The following MRPS9 variants were observed in gnomAD, a reference collection of about 807,000 sequenced individuals.
The protein encoded by MRPS9 is mitochondrial ribosomal protein S9, also known as small ribosomal subunit protein uS9m.
A neutral mutation model predicts 59.9 loss-of-function variants in MRPS9; 45 were observed. That is an observed-to-expected ratio of 0.75 (90% CI 0.59 to 0.96). MRPS9 has a LOEUF of 0.96. Among genes scored for constraint, MRPS9 ranks in the 40% least tolerant of loss-of-function variants. MRPS9 has a pLI of 0.00. For missense variants in MRPS9, 473 were observed against 481.1 expected (o/e 0.98, Z 0.16); for synonymous variants, 171 against 166.8 (o/e 1.03, Z -0.19).
chr2:105,076,275 A>G lies in MRPS9; in HGVS notation c.410-3708A>G, dbSNP rs562593231. ...GAAATGCTGATCCTGCAGAGATCATATGAGCATCCTGTCAGTTGATGACTC... is the reference window on the plus strand; with the variant it reads ...GAAATGCTGATCCTGCAGAGATCATGTGAGCATCCTGTCAGTTGATGACTC... On this transcript the variant is annotated intron_variant, in intron 4 of 10. Coordinates refer to ENST00000258455, the MANE Select transcript of MRPS9 (RefSeq NM_182640.3). Among the ~76,000 whole-genome samples the G allele has an allele frequency of 1.8e-3, 280 of 152,362 alleles. 1 individual carries two copies. The highest frequency in any genetic ancestry group is 6.2e-3 in the African/African-American group (257 of 41,588).
At chr2:105,096,364 A>G (rs1680659259) in intron 9 of MRPS9, among the ~76,000 whole-genome samples, 1 of 152,224 alleles carries the variant, frequency 6.6e-6, no homozygotes, top group Admixed American at 6.5e-5. Flanking sequence ...TTAAGGCAAA[A>G]TAGCAAAATC....
At chr2:105,072,118 G>A (rs966850218) in intron 4 of MRPS9, among the ~76,000 whole-genome samples, 20 of 152,150 alleles carry the variant, frequency 1.3e-4, no homozygotes, top group Non-Finnish European at 7.4e-5. Context: ...GTAGTTCTCT[G>A]TTAACTTAAA....
intron 5 of MRPS9, 132 bp downstream of exon 5, chr2:105,080,194 A>G (rs943371534): frequency 7.9e-6 from 4 of 504,370 alleles, no homozygotes; most frequent in Non-Finnish European, 1.3e-5. Flanking sequence ...TAGAGGTAGG[A>G]CAGTGTGTTG....
At chr2:105,067,688 A>G (rs1680027753) in intron 2 of MRPS9, among the ~76,000 whole-genome samples, 1 of 151,400 alleles carries the variant, frequency 6.6e-6, no homozygotes, top group Admixed American at 6.6e-5. Context: ...TTACTTTTAT[A>G]ACATATTGTT....
intron 2 of MRPS9, among the ~76,000 whole-genome samples, chr2:105,069,363 C>T (rs62151951): frequency 0.02 from 3,018 of 151,990 alleles, 54 homozygotes; most frequent in Middle Eastern, 0.058. Flanking sequence ...TACAGGCGCC[C>T]GCCACCATGC....
intron 5 of MRPS9, among the ~76,000 whole-genome samples, chr2:105,085,752 A>G (rs956301424): frequency 1.2e-4 from 18 of 152,182 alleles, no homozygotes; most frequent in African/African-American, 4.3e-4. Flanking sequence ...AGCATTTCAC[A>G]TCTGGGTTAT....
chr2:105,097,236 G>A lies in MRPS9; in HGVS notation c.1011G>A (p.Arg337=), dbSNP rs202074511. The A allele has an allele frequency of 1.9e-6, 3 of 1,613,278 alleles. No homozygotes were observed. The highest frequency in any genetic ancestry group is 2.5e-6 in the Non-Finnish European group (3 of 1,179,674). ...DVTCTVSGGG[R]SAQAGAIRLA... is the part of the protein sequence containing the mutation. ...CCTGCACAGTCTCAGGGGGCGGGAG[G>A]TCAGCGCAGGCTGGAGCAATACGAC... The change falls in exon 10 of 11, where the codon AGG becomes AGA. Residue 337 remains arginine (R), a synonymous_variant. Transcript: ENST00000258455.
chr2:105,081,783 A>G (rs1217916662), intron 5 of MRPS9, among the ~76,000 whole-genome samples: 2 of 152,202 alleles, frequency 1.3e-5, no homozygotes, highest in Non-Finnish European at 2.9e-5. Context: ...TTACGTATCT[A>G]TAGAAGAGTC....
intron 2 of MRPS9, among the ~76,000 whole-genome samples, chr2:105,058,126 G>T (rs1309950447): frequency 6.6e-6 from 1 of 152,064 alleles, no homozygotes; most frequent in African/African-American, 2.4e-5. Flanking sequence ...TTCATAATTT[G>T]TGCTCACTTC....
At chr2:105,050,153 T>TC (rs1679684256) in intron 2 of MRPS9, among the ~76,000 whole-genome samples, 1 of 152,096 alleles carries the variant, frequency 6.6e-6, no homozygotes, top group South Asian at 2.1e-4. Context: ...TCTTTTCTTT[T>TC]TTTTGAGACA....
chr2:105,057,355 G>A (rs1679812485), intron 2 of MRPS9, among the ~76,000 whole-genome samples: 1 of 152,180 alleles, frequency 6.6e-6, no homozygotes, highest in Admixed American at 6.5e-5. Flanking sequence ...GTCTTTCACA[G>A]GTTACTGCCA....
intron 2 of MRPS9, among the ~76,000 whole-genome samples, chr2:105,066,708 A>G (rs916260592): frequency 6.6e-6 from 1 of 151,928 alleles, no homozygotes; most frequent in African/African-American, 2.4e-5. Context: ...TTAGTCTTCC[A>G]CGCCATCTAG....
chr2:105,071,610 G>A (rs1680115063), intron 4 of MRPS9, 121 bp downstream of exon 4: 2 of 893,412 alleles, frequency 2.2e-6, no homozygotes, highest in Non-Finnish European at 3.5e-6. Flanking sequence ...TAGTTGTGAA[G>A]TAGGTCAAAA....
rs187320304 is a variant in MRPS9 at position 105,092,863 on chromosome 2, G to A, written c.820+294G>A. Among the ~76,000 whole-genome samples, 244 of 151,972 alleles carry A rather than the reference G, an allele frequency of 1.6e-3. 1 individual carries two copies. The highest frequency in any genetic ancestry group is 0.015 in the South Asian group (70 of 4,794). On this transcript the variant is annotated intron_variant, in intron 8 of 10. Transcript: ENST00000258455. ...TTTCACATTTTAAGCTGCTAGAATC[G>A]GTAAAATATTTATAATAAAGTTTTC...
chr2:105,049,062 G>T, intron 1 of MRPS9, 109 bp from the exon 2 acceptor site: 1 of 757,334 alleles, frequency 1.3e-6, no homozygotes, highest in Non-Finnish European at 2.1e-6. Context: ...CTTGAATACC[G>T]TAATAAAAAA....
chr2:105,072,410 CT>C (rs572139367), intron 4 of MRPS9, among the ~76,000 whole-genome samples: 217 of 146,806 alleles, frequency 1.5e-3, no homozygotes, highest in South Asian at 0.012. Context: ...GTTGACACAA[CT>C]TTTTTTTTTT....
intron 5 of MRPS9, among the ~76,000 whole-genome samples, chr2:105,081,792 TC>T (rs1680353288): frequency 6.6e-6 from 1 of 152,154 alleles, no homozygotes; most frequent in Admixed American, 6.5e-5. Context: ...TATAGAAGAG[TC>T]CTTTGGGCTT....
At chr2:105,039,659 CT>C (rs1018160835) in intron 1 of MRPS9, among the ~76,000 whole-genome samples, 1 of 152,114 alleles carries the variant, frequency 6.6e-6, no homozygotes, top group African/African-American at 2.4e-5. Flanking sequence ...TCAGGGTCCC[CT>C]ATTATGTTTT....
chr2:105,049,469 T>C (rs1476499945), intron 2 of MRPS9, 119 bp downstream of exon 2: 1 of 810,390 alleles, frequency 1.2e-6, no homozygotes, highest in Non-Finnish European at 1.9e-6. Flanking sequence ...TAAGGAAAAA[T>C]GCTGCTATAC....
Sources: gnomAD v4.1 joint callset for allele counts (sites outside exome capture counted in the v4.1 genomes callset) on GRCh38, gnomAD v4.1.1 for gene constraint, MANE v1.5 for transcripts, NCBI Gene and HGNC (gene_info 2026-07-23, HGNC 2026-07-21) for gene names.